Variants in KLHL4 observed in about 807,000 individuals in gnomAD.
The protein encoded by KLHL4 is kelch like family member 4.
KLHL4 carries 17 observed loss-of-function variants against 45.8 expected under a neutral mutation model. The ratio of observed to expected loss-of-function variants is 0.37; its 90% CI spans 0.25 to 0.56. The LOEUF is 0.56. Among genes scored for constraint, KLHL4 ranks in the 20% least tolerant of loss-of-function variants. The pLI, the probability that KLHL4 is intolerant of heterozygous loss-of-function variation, is 0.79. For synonymous variants in KLHL4, 224 were observed against 189.9 expected (o/e 1.18, Z -1.47); for missense variants, 544 against 544.9 (o/e 1.00, Z 0.02).
chrX:87,560,674 G>T (rs1227630945), intron 1 of KLHL4, among the ~76,000 whole-genome samples: 1 of 111,493 alleles, frequency 9.0e-6, no homozygotes, highest in Non-Finnish European at 1.9e-5. Context: ...GTTTATTTTA[G>T]ACACCTTATA....
At position 87,666,463 on chromosome X, in the gene KLHL4, T is replaced by A; in HGVS notation, c.2098-12T>A. The A allele has an allele frequency of 8.5e-7, 1 of 1,174,889 alleles. No homozygotes were observed. The highest frequency in any genetic ancestry group is 1.2e-6 in the Non-Finnish European group (1 of 866,602). ...GTTCCAACAGTGTTTTGTTTCTTATTTTGTGTTTTAGGAAGTTCCTGTTAA... is the reference window on the plus strand; with the variant it reads ...GTTCCAACAGTGTTTTGTTTCTTATATTGTGTTTTAGGAAGTTCCTGTTAA... On this transcript the variant is annotated splice_polypyrimidine_tract_variant and intron_variant, in intron 10 of 10. Coordinates refer to ENST00000373119, the MANE Select transcript of KLHL4 (RefSeq NM_019117.5).
intron 1 of KLHL4, among the ~76,000 whole-genome samples, chrX:87,572,291 A>G (rs1183540489): frequency 1.2e-5 from 1 of 82,267 alleles, no homozygotes; most frequent in Non-Finnish European, 2.3e-5. Flanking sequence ...AAAATTCACA[A>G]ATTGTCTACC....
At chrX:87,581,698 T>C (rs1375433593) in intron 1 of KLHL4, among the ~76,000 whole-genome samples, 1 of 111,141 alleles carries the variant, frequency 9.0e-6, no homozygotes, top group Non-Finnish European at 1.9e-5. Flanking sequence ...AAAAACTCCA[T>C]CCAAAGGTAA....
intron 1 of KLHL4, among the ~76,000 whole-genome samples, chrX:87,535,437 A>T (rs779487262): frequency 8.9e-6 from 1 of 112,430 alleles, no homozygotes; most frequent in Non-Finnish European, 1.9e-5. Context: ...TTTAAATCCT[A>T]TAACTACCGT....
intron 6 of KLHL4, among the ~76,000 whole-genome samples, chrX:87,630,412 T>C (rs1237981914): frequency 9.0e-6 from 1 of 110,860 alleles, no homozygotes; most frequent in Non-Finnish European, 1.9e-5. Flanking sequence ...TTAGGGTACA[T>C]GTGCACAATG....
chrX:87,625,334 G>T (rs937478413), intron 5 of KLHL4, among the ~76,000 whole-genome samples: 1 of 111,661 alleles, frequency 9.0e-6, no homozygotes, highest in Non-Finnish European at 1.9e-5. Flanking sequence ...GGGCTCAAAC[G>T]ATCAACCCAC....
chrX:87,527,724 C>A (rs1296579339), intron 1 of KLHL4, among the ~76,000 whole-genome samples: 1 of 108,638 alleles, frequency 9.2e-6, no homozygotes, highest in Non-Finnish European at 1.9e-5. Context: ...ACAGCCTAGG[C>A]CACTGACATA....
rs1261974082 is a variant in KLHL4 at position 87,618,017 on chromosome X, C to T, written c.813C>T (p.Cys271=). 8.3e-7 allele frequency: 1 copy of T among 1,210,519 alleles called. No homozygotes were observed. The highest frequency in any genetic ancestry group is 1.8e-5 in the South Asian group (1 of 56,941). The part of the protein sequence containing the change: ...LLQLTQVIDV[C]SNFLIKQLHP... ...AGCTGACTCAGGTCATTGATGTTTGCTCCAATTTTCTCATAAAGCAGCTCC... is the reference window on the plus strand; with the variant it reads ...AGCTGACTCAGGTCATTGATGTTTGTTCCAATTTTCTCATAAAGCAGCTCC... The change falls in exon 4 of 11, where the codon TGC becomes TGT. Residue 271 remains cysteine (C), a synonymous_variant. Coordinates refer to ENST00000373119, the MANE Select transcript of KLHL4 (RefSeq NM_019117.5).
chrX:87,651,946 C>T (rs1275396349), intron 9 of KLHL4, among the ~76,000 whole-genome samples: 1 of 112,596 alleles, frequency 8.9e-6, no homozygotes, highest in Non-Finnish European at 1.9e-5. Context: ...GGGCCCTATT[C>T]CTGCAACAAA....
At chrX:87,636,542 C>T (rs368939338) in intron 9 of KLHL4, among the ~76,000 whole-genome samples, 1 of 111,709 alleles carries the variant, frequency 9.0e-6, no homozygotes, top group Admixed American at 9.5e-5. Context: ...AGCCTGCTTG[C>T]TTTCTCAGCT....
intron 9 of KLHL4, among the ~76,000 whole-genome samples, chrX:87,638,846 A>T: frequency 8.9e-6 from 1 of 111,762 alleles, no homozygotes; most frequent in East Asian, 2.8e-4. Context: ...TCACATCTCA[A>T]TAGTAACGGT....
chrX:87,529,331 C>G (rs922884634), intron 1 of KLHL4, among the ~76,000 whole-genome samples: 6 of 111,695 alleles, frequency 5.4e-5, no homozygotes, highest in South Asian at 3.7e-4. Context: ...GTACTCTGTG[C>G]ATCATTCAAT....
chrX:87,648,697 T>G (rs1923716069), intron 9 of KLHL4, among the ~76,000 whole-genome samples: 1 of 111,711 alleles, frequency 9.0e-6, no homozygotes, highest in Non-Finnish European at 1.9e-5. Flanking sequence ...ACATAATTGA[T>G]AATTAAAGCT....
chrX:87,651,644 C>T (rs1923816393), intron 9 of KLHL4, among the ~76,000 whole-genome samples: 1 of 112,631 alleles, frequency 8.9e-6, no homozygotes, highest in East Asian at 2.8e-4. Flanking sequence ...CCATGTCCCT[C>T]ATCCATGTCA....
rs1177448768 is a variant in KLHL4 at position 87,666,193 on chromosome X, T to G, written c.2098-282T>G. On this transcript the variant is annotated intron_variant, in intron 10 of 10. Coordinates refer to ENST00000373119, the MANE Select transcript of KLHL4 (RefSeq NM_019117.5). ...CTCAATCATCACAAAAACCTTGACG[T>G]GTTAGTATAATTTGGTGTAATTTTT... Among the ~76,000 whole-genome samples, 66 of 111,125 alleles carry G rather than the reference T, an allele frequency of 5.9e-4. No individual in the cohort carries two copies. In the Admixed American group the frequency reaches 6.4e-3, roughly 11 times the overall value.
At chrX:87,527,815 A>G (rs1454181972) in intron 1 of KLHL4, among the ~76,000 whole-genome samples, 9 of 57,578 alleles carry the variant, frequency 1.6e-4, no homozygotes, top group African/African-American at 5.9e-4. Context: ...ACAAAATTGG[A>G]AAAAAAAAAA....
intron 1 of KLHL4, among the ~76,000 whole-genome samples, chrX:87,518,768 C>T (rs1930943411): frequency 9.0e-6 from 1 of 111,515 alleles, no homozygotes; most frequent in Admixed American, 9.6e-5. Flanking sequence ...TACATAGTTG[C>T]GATATTGACT....
chrX:87,618,302 C>G (rs937644228), intron 4 of KLHL4, among the ~76,000 whole-genome samples, 174 bp downstream of exon 4: 7 of 111,878 alleles, frequency 6.3e-5, no homozygotes, highest in Non-Finnish European at 1.3e-4. Flanking sequence ...TTCTGAATTA[C>G]AAATGTTTAA....
chrX:87,594,457 A>G (rs1921773873), intron 1 of KLHL4, among the ~76,000 whole-genome samples: 1 of 111,711 alleles, frequency 9.0e-6, no homozygotes, highest in Admixed American at 9.6e-5. Context: ...GCATTGATTC[A>G]CTTCATCTGC....
Sources: gnomAD v4.1 joint callset for allele counts (sites outside exome capture counted in the v4.1 genomes callset) on GRCh38, gnomAD v4.1.1 for gene constraint, MANE v1.5 for transcripts, NCBI Gene and HGNC (gene_info 2026-07-23, HGNC 2026-07-21) for gene names.